MYBPH: variants seen among roughly 807,000 people sequenced by gnomAD.
MYBPH encodes the protein myosin-binding protein H.
In MYBPH, 49 loss-of-function variants were observed where a neutral mutation model predicts 53.6. That is an observed-to-expected ratio of 0.91 (90% CI 0.73 to 1.16). The LOEUF is 1.16. Among genes scored for constraint, MYBPH ranks in the 50% most tolerant of loss-of-function variants. The pLI is 0.00. For synonymous variants in MYBPH, 239 were observed against 249.6 expected (o/e 0.96, Z 0.40); for missense variants, 558 against 624.1 (o/e 0.89, Z 1.13).
Position 203,175,703 on chromosome 1 carries a change from G to A in MYBPH, c.53C>T (p.Ala18Val). 1 of 1,614,070 alleles carries A rather than the reference G, an allele frequency of 6.2e-7. No individual in the cohort carries two copies. Among genetic ancestry groups the A allele is most frequent in the East Asian group, 2.2e-5 (1 of 44,868 alleles). ...TGTGGGCACCTTGGCAGATTCAGATGCGGTCTCCTCTGGACTGCAGGCAGG... is the reference window on the plus strand; with the variant it reads ...TGTGGGCACCTTGGCAGATTCAGATACGGTCTCCTCTGGACTGCAGGCAGG... Reference protein sequence around the residue: ...EGPACSPEETASESAKVPTAE... With the variant: ...EGPACSPEETVSESAKVPTAE... The change falls in exon 1 of 11, where the codon GCA becomes GTA. Residue 18 changes from alanine to valine, a missense_variant. By Grantham distance (64) the Ala-to-Val change is moderately conservative. Coordinates refer to ENST00000255416, the MANE Select transcript of MYBPH (RefSeq NM_004997.3).
At chr1:203,179,045 A>G (rs1341669808), upstream of MYBPH, 1 of 163,512 alleles carries the variant, frequency 6.1e-6, no homozygotes, top group Non-Finnish European at 1.3e-5. Context: ...TGCAGGGGGT[A>G]TAATTAGTAT....
At position 203,171,085 on chromosome 1, in the gene MYBPH, C is replaced by T. The variant is rs747347118; in HGVS notation, c.909G>A (p.Val303=). The change falls in exon 6 of 11, where the codon GTG becomes GTA. Residue 303 remains valine (V), a synonymous_variant. Coordinates refer to ENST00000255416, the MANE Select transcript of MYBPH (RefSeq NM_004997.3). The surrounding 1 kb of genome is among the most constrained non-coding windows in gnomAD (Gnocchi z 4.2). ...TGNTELLGYM[V]QKADKKTGQW... is the part of the protein sequence containing the mutation. ...CCCCTGTCTTTTTGTCTGCCTTCTGCACCATGTAGCCCAGGAGCTCTGTGT... is the reference window on the plus strand; with the variant it reads ...CCCCTGTCTTTTTGTCTGCCTTCTGTACCATGTAGCCCAGGAGCTCTGTGT... 8 of 1,606,312 alleles carry T rather than the reference C, an allele frequency of 5.0e-6. No individual in the cohort carries two copies. The South Asian group carries it at 5.6e-5, about 11-fold the overall frequency.
At chr1:203,172,680 G>C (rs182554859) in intron 3 of MYBPH, among the ~76,000 whole-genome samples, 1 of 152,316 alleles carries the variant, frequency 6.6e-6, no homozygotes, top group African/African-American at 2.4e-5. Context: ...TCCTATTTCA[G>C]CTGCCTGCTA....
At position 203,168,058 on chromosome 1, in the gene MYBPH, G is replaced by T. The variant is rs138710635; in HGVS notation, c.*66C>A. On this transcript the variant is annotated 3_prime_UTR_variant, in exon 11 of 11. Transcript: ENST00000255416. The stretch of plus-strand genomic sequence containing the variant: ...GGGCATCTCTGGAGTTTGACTGTAG[G>T]CCTGGTGGACCTGGCCCCTCAGGCC... 554 of 158,110 alleles carry T rather than the reference G, an allele frequency of 3.5e-3. 1 individual carries two copies. The highest frequency in any genetic ancestry group is 5.7e-3 in the Non-Finnish European group (402 of 71,080). The allele number at this position is 158,110 out of a possible 1,614,324, so 9.8% of individuals were successfully genotyped here. A position where few individuals can be genotyped will look rare whatever the true frequency, so the allele number is the denominator to read the frequency against.
chr1:203,169,439 G>T, intron 7 of MYBPH, 50 bp from the exon 8 acceptor site: 1 of 1,548,974 alleles, frequency 6.5e-7, no homozygotes, highest in Non-Finnish European at 8.7e-7. Flanking sequence ...AGGAGTGAGG[G>T]AGACCTGTCA....
Position 203,171,579 on chromosome 1 carries a change from C to A in MYBPH, c.598-1G>T. The A allele has an allele frequency of 6.2e-7, 1 of 1,610,328 alleles. No individual in the cohort carries two copies. Among genetic ancestry groups the A allele is most frequent in the Non-Finnish European group, 8.5e-7 (1 of 1,178,988 alleles). ...ATGTGGCCTGAGGCTTAGGCTTCCC[C>A]TGGCAGGGAGGAGCCCCCAGGGTGA... On this transcript the variant is annotated splice_acceptor_variant, in intron 4 of 10. Transcript: ENST00000255416. LOFTEE classifies it high-confidence loss of function. This position sits in a 1 kb window ranked among gnomAD's most constrained non-coding sequence, Gnocchi z 4.2.
At chr1:203,177,637 G>T (rs986282818), upstream of MYBPH, among the ~76,000 whole-genome samples, 1 of 152,204 alleles carries the variant, frequency 6.6e-6, no homozygotes, top group African/African-American at 2.4e-5. Flanking sequence ...TCCATCCTTG[G>T]CCTCTGACTC....
Position 203,175,398 on chromosome 1 carries a change from CTCACAG to C in MYBPH, c.263_268del (p.Thr88_Val89del). On this transcript the variant is annotated inframe_deletion, in exon 2 of 11. Coordinates refer to ENST00000255416, the MANE Select transcript of MYBPH (RefSeq NM_004997.3). ...CCCCAGCCTCTCTGGGGGCTCCCAG[CTCACAG>C]TCACAGAGCTGCTGCTCACATCATC... 6.5e-7 allele frequency: 1 copy of C among 1,541,566 alleles called. No individual in the cohort carries two copies. The highest frequency in any genetic ancestry group is 2.0e-5 in the Admixed American group (1 of 49,132).
At position 203,171,906 on chromosome 1, in the gene MYBPH, C is replaced by T; in HGVS notation, c.597+46G>A. 1 of 1,219,480 alleles carries T rather than the reference C, an allele frequency of 8.2e-7. No homozygotes were observed. The allele number at this position is 1,219,480 out of a possible 1,614,324, so 75.5% of individuals were successfully genotyped here. A position where few individuals can be genotyped will look rare whatever the true frequency, so the allele number is the denominator to read the frequency against. ...TCCCAGGCTCCCCTTAAATGGGGGC[C>T]CTGGTTCCCACCCAGGCTGTTACCC... On this transcript the variant is annotated intron_variant, in intron 4 of 10. Transcript: ENST00000255416. The surrounding 1 kb of genome is among the most constrained non-coding windows in gnomAD (Gnocchi z 4.2).
chr1:203,169,252 C>T lies in MYBPH; in HGVS notation c.1230+1G>A, dbSNP rs765505298. On this transcript the variant is annotated splice_donor_variant, in intron 8 of 10. Transcript: ENST00000255416. LOFTEE classifies it high-confidence loss of function. ...GGGCACAACAGGGCCTGGCCCCTCA[C>T]CTTGGGTGAAGCTCGGACACTGCAG... 1.1e-5 allele frequency: 17 copies of T among 1,603,718 alleles called. No individual in the cohort carries two copies. The highest frequency in any genetic ancestry group is 1.3e-5 in the African/African-American group (1 of 74,878).
chr1:203,169,484 G>A, intron 7 of MYBPH, 95 bp from the exon 8 acceptor site: 1 of 1,498,898 alleles, frequency 6.7e-7, no homozygotes, highest in Non-Finnish European at 9.1e-7. Context: ...TGGATAGCAA[G>A]TCGTGGCTTA....
At chr1:203,169,451 G>T in intron 7 of MYBPH, 62 bp from the exon 8 acceptor site, 1 of 1,539,016 alleles carries the variant, frequency 6.5e-7, no homozygotes, top group Non-Finnish European at 8.8e-7. Flanking sequence ...GACCTGTCAG[G>T]ACTGACTATG....
At chr1:203,174,712 A>C in intron 2 of MYBPH, 115 bp from the exon 3 acceptor site, 1 of 1,166,364 alleles carries the variant, frequency 8.6e-7, no homozygotes, top group South Asian at 1.9e-5. Context: ...TCTGGGCCTC[A>C]TTTTCCCCTT....
Position 203,172,045 on chromosome 1 carries a change from A to C in MYBPH, c.509-5T>G. On this transcript the variant is annotated splice_region_variant and splice_polypyrimidine_tract_variant and intron_variant, in intron 3 of 10. Coordinates refer to ENST00000255416, the MANE Select transcript of MYBPH (RefSeq NM_004997.3). ...GGACACGGATCTTGGGGGCCTCTGGATCAAAGCAAGAGTCTGGGCTTAGCA... is the reference window on the plus strand; with the variant it reads ...GGACACGGATCTTGGGGGCCTCTGGCTCAAAGCAAGAGTCTGGGCTTAGCA... The C allele has an allele frequency of 7.6e-7, 1 of 1,313,524 alleles. No individual in the cohort carries two copies. Among genetic ancestry groups the C allele is most frequent in the Non-Finnish European group, 9.8e-7 (1 of 1,023,190 alleles). 81.4% of individuals were successfully genotyped at this position (1,313,524 alleles called of 1,614,324 possible). A position where few individuals can be genotyped will look rare whatever the true frequency, so the allele number is the denominator to read the frequency against.
At chr1:203,173,276 C>G (rs1314117760) in intron 3 of MYBPH, among the ~76,000 whole-genome samples, 1 of 152,200 alleles carries the variant, frequency 6.6e-6, no homozygotes. Flanking sequence ...GCCTTCCTGG[C>G]ACCTCCAGGA....
chr1:203,170,567 C>G, intron 6 of MYBPH, 117 bp from the exon 7 acceptor site: 6 of 1,358,924 alleles, frequency 4.4e-6, no homozygotes, highest in Non-Finnish European at 5.0e-6. Flanking sequence ...GGATGCTGAA[C>G]CATCCAGCTT....
In MYBPH at chr1:203,175,810, G is replaced by C. The variant is rs896485096; in HGVS notation, c.-55C>G. 1 of 1,584,532 alleles carries C rather than the reference G, an allele frequency of 6.3e-7. No homozygotes were observed. The highest frequency in any genetic ancestry group is 8.6e-7 in the Non-Finnish European group (1 of 1,158,848). On this transcript the variant is annotated 5_prime_UTR_variant, in exon 1 of 11. Transcript: ENST00000255416. The stretch of plus-strand genomic sequence containing the variant: ...GTGTGCAGGGGTCAGCCGTTGGGGG[G>C]CCTGGGCCTCTAGGGTGCCTGGGAC...
rs768936382 is a variant in MYBPH at position 203,174,571 on chromosome 1, G to A, written c.367C>T (p.Arg123Trp). ...GASEWVPVSA[R>W]PMMVTQQTVR... Reference sequence around the variant, plus strand: ...GTCTGCTGGGTCACCATCATGGGCCGGGCACTCACAGGCACCCACTCCGAG... The same window carrying A: ...GTCTGCTGGGTCACCATCATGGGCCAGGCACTCACAGGCACCCACTCCGAG... The change falls in exon 3 of 11, where the codon CGG (arginine) becomes TGG (tryptophan). Residue 123 changes from arginine (R) to tryptophan (W), a missense_variant. Physicochemically the swap from Arg to Trp is moderately radical, Grantham distance 101. Coordinates refer to ENST00000255416, the MANE Select transcript of MYBPH (RefSeq NM_004997.3). 9 of 1,607,490 alleles carry A rather than the reference G, an allele frequency of 5.6e-6. No individual in the cohort carries two copies. Among genetic ancestry groups the A allele is most frequent in the Middle Eastern group, 1.7e-4 (1 of 6,028 alleles).
chr1:203,172,211 A>G (rs533851441), intron 3 of MYBPH, among the ~76,000 whole-genome samples, 171 bp from the exon 4 acceptor site: 3 of 152,048 alleles, frequency 2.0e-5, no homozygotes, highest in African/African-American at 7.2e-5. Context: ...CTCACTCCTG[A>G]GGTCTAGGGG....
Sources: allele counts gnomAD v4.1 joint callset (sites outside exome capture counted in the v4.1 genomes callset), GRCh38; gene constraint gnomAD v4.1.1; non-coding constraint Gnocchi (gnomAD v3.1); transcripts MANE v1.5; gene names NCBI Gene and HGNC (gene_info 2026-07-23, HGNC 2026-07-21).